The following ADAM29 variants were observed in gnomAD, a reference collection of about 807,000 sequenced individuals.
ADAM29 encodes the protein disintegrin and metalloproteinase domain-containing protein 29.
For synonymous variants in ADAM29, 367 were observed against 342.3 expected (o/e 1.07, Z -0.80); for missense variants, 969 against 1,001.8 (o/e 0.97, Z 0.44).
At chr4:174,931,868 G>T in intron 3 of ADAM29, among the ~76,000 whole-genome samples, 1 of 151,792 alleles carries the variant, frequency 6.6e-6, no homozygotes, top group African/African-American at 2.4e-5. Flanking sequence ...AGGGAGAGTG[G>T]GAGAGACTGT....
At chr4:174,919,200 CAAAGT>C (rs371035307) in intron 1 of ADAM29, among the ~76,000 whole-genome samples, 5 of 152,034 alleles carry the variant, frequency 3.3e-5, no homozygotes, top group African/African-American at 7.2e-5. Context: ...AATTTTTTCT[CAAAGT>C]AAAGTGTATC....
At chr4:174,945,847 C>T (rs549558805) in intron 4 of ADAM29, among the ~76,000 whole-genome samples, 1 of 152,176 alleles carries the variant, frequency 6.6e-6, no homozygotes, top group African/African-American at 2.4e-5. Flanking sequence ...TTTCTTTAAT[C>T]TATGTGTCTG....
chr4:174,935,454 A>C (rs1182564290), intron 3 of ADAM29, among the ~76,000 whole-genome samples: 1 of 152,130 alleles, frequency 6.6e-6, no homozygotes, highest in African/African-American at 2.4e-5. Context: ...CATCAAGTTA[A>C]AATGTTCTAT....
At chr4:174,951,361 C>G (rs923783859) in intron 4 of ADAM29, among the ~76,000 whole-genome samples, 5 of 152,172 alleles carry the variant, frequency 3.3e-5, no homozygotes, top group Non-Finnish European at 7.4e-5. Context: ...TTACTTCACA[C>G]TTCTTTCCAT....
chr4:174,976,561 A>G lies in ADAM29; in HGVS notation c.1036A>G (p.Thr346Ala). Residue 346 changes from threonine (T) to alanine (A), a missense_variant, in exon 5 of 5, where the codon ACA becomes GCA. Physicochemically the swap from Thr to Ala is moderately conservative, Grantham distance 58. Coordinates refer to ENST00000359240, the MANE Select transcript of ADAM29 (RefSeq NM_014269.4). ...HNLGMNHDEDTCRCSQPRCIM... is the reference protein window; with the variant it reads ...HNLGMNHDEDACRCSQPRCIM... ...TTTGGGCATGAACCATGATGAGGAT[A>G]CATGTCGTTGTTCACAACCTAGATG... 4 of 1,601,292 alleles carry G rather than the reference A, an allele frequency of 2.5e-6. No homozygotes were observed. Among genetic ancestry groups the G allele is most frequent in the Non-Finnish European group, 3.4e-6 (4 of 1,173,864 alleles).
intron 4 of ADAM29, among the ~76,000 whole-genome samples, chr4:174,957,096 A>G (rs1342749239): frequency 6.6e-6 from 1 of 151,960 alleles, no homozygotes; most frequent in Non-Finnish European, 1.5e-5. Flanking sequence ...TGCTTCATAT[A>G]TGACAGCTAA....
Position 174,976,664 on chromosome 4 carries a change from A to G in ADAM29, c.1139A>G (p.Glu380Gly), listed in dbSNP as rs773202528. 5 of 1,613,976 alleles carry G rather than the reference A, an allele frequency of 3.1e-6. No individual in the cohort carries two copies. In the Admixed American group the frequency reaches 8.3e-5, roughly 27 times the overall value. Residue 380 changes from glutamate (E) to glycine (G), a missense_variant, in exon 5 of 5, where the codon GAG (glutamate) becomes GGG (glycine). Transcript: ENST00000359240. ...SYGDFWEYTVERTKCLLETVH... is the reference protein window; with the variant it reads ...SYGDFWEYTVGRTKCLLETVH... Reference sequence around the variant, plus strand: ...GGTGATTTTTGGGAATATACTGTAGAGAGGACAAAGTGTTTGCTTGAAACA... The same window carrying G: ...GGTGATTTTTGGGAATATACTGTAGGGAGGACAAAGTGTTTGCTTGAAACA...
chr4:174,958,319 A>G (rs113147410), intron 4 of ADAM29, among the ~76,000 whole-genome samples: 2 of 151,840 alleles, frequency 1.3e-5, no homozygotes, highest in African/African-American at 4.8e-5. Flanking sequence ...TTTCCCTCAA[A>G]TATTTTGATA....
chr4:174,923,064 TTA>T (rs200229430), intron 2 of ADAM29, among the ~76,000 whole-genome samples: 2 of 138,236 alleles, frequency 1.4e-5, no homozygotes, highest in African/African-American at 6.5e-5. Flanking sequence ...TTAATTATTA[TTA>T]TTTTTTTGAG....
chr4:174,978,108 T>C lies in ADAM29; in HGVS notation c.*120T>C, dbSNP rs1747022752. 6.7e-7 allele frequency: 1 copy of C among 1,486,620 alleles called. No homozygotes were observed. The highest frequency in any genetic ancestry group is 9.1e-7 in the Non-Finnish European group (1 of 1,098,622). The allele number at this position is 1,486,620 out of a possible 1,614,324, so 92.1% of individuals were successfully genotyped here. On this transcript the variant is annotated 3_prime_UTR_variant, in exon 5 of 5. Coordinates refer to ENST00000359240, the MANE Select transcript of ADAM29 (RefSeq NM_014269.4). ...TGACACCTTACCGGAGTAAAAGTGGTAAACAAAAGCAATCAGTACCAATTC... is the reference window on the plus strand; with the variant it reads ...TGACACCTTACCGGAGTAAAAGTGGCAAACAAAAGCAATCAGTACCAATTC...
At chr4:174,923,575 A>G (rs1222021155) in intron 2 of ADAM29, among the ~76,000 whole-genome samples, 1 of 147,544 alleles carries the variant, frequency 6.8e-6, no homozygotes, top group South Asian at 2.1e-4. Flanking sequence ...ACACACATAT[A>G]TATCTTTAAA....
At chr4:174,934,251 A>G (rs1219190917) in intron 3 of ADAM29, among the ~76,000 whole-genome samples, 11 of 152,024 alleles carry the variant, frequency 7.2e-5, no homozygotes, top group Admixed American at 6.6e-5. Flanking sequence ...TGACAAGTCT[A>G]TTTTTAAGTA....
chr4:174,975,451 C>A lies in ADAM29; in HGVS notation c.-75C>A. ...GGAGCCACACCACCTGTGACTCCAG[C>A]CCTGACTTCTGCTCTGGACCAGTGT... On this transcript the variant is annotated 5_prime_UTR_variant, in exon 5 of 5. Transcript: ENST00000359240. 2 of 1,421,174 alleles carry A rather than the reference C, an allele frequency of 1.4e-6. No homozygotes were observed. The highest frequency in any genetic ancestry group is 1.9e-6 in the Non-Finnish European group (2 of 1,070,684). The allele number at this position is 1,421,174 out of a possible 1,614,324, so 88.0% of individuals were successfully genotyped here. A position where few individuals can be genotyped will look rare whatever the true frequency, so the allele number is the denominator to read the frequency against.
At chr4:174,940,288 T>C (rs888737942) in intron 4 of ADAM29, among the ~76,000 whole-genome samples, 2 of 152,152 alleles carry the variant, frequency 1.3e-5, no homozygotes, top group African/African-American at 4.8e-5. Flanking sequence ...TTAGACTTGG[T>C]ATCATTAACA....
At chr4:174,974,776 G>T (rs1369502647) in intron 4 of ADAM29, among the ~76,000 whole-genome samples, 1 of 152,134 alleles carries the variant, frequency 6.6e-6, no homozygotes, top group Non-Finnish European at 1.5e-5. Context: ...TGCTGACAAG[G>T]CTAGTGAGAA....
At chr4:174,935,770 G>A (rs1744167063) in intron 3 of ADAM29, among the ~76,000 whole-genome samples, 1 of 152,008 alleles carries the variant, frequency 6.6e-6, no homozygotes, top group African/African-American at 2.4e-5. Context: ...AAGGCTGTGT[G>A]TCTCTGTAAA....
chr4:174,976,360 C>A lies in ADAM29; in HGVS notation c.835C>A (p.Pro279Thr). The A allele has an allele frequency of 7.5e-6, 12 of 1,605,850 alleles. No individual in the cohort carries two copies. Among genetic ancestry groups the A allele is most frequent in the Non-Finnish European group, 1.0e-5 (12 of 1,176,862 alleles). The change falls in exon 5 of 5, where the codon CCC becomes ACC. Residue 279 changes from proline to threonine, a missense_variant. Physicochemically the swap from Pro to Thr is conservative, Grantham distance 38. Coordinates refer to ENST00000359240, the MANE Select transcript of ADAM29 (RefSeq NM_014269.4). Reference sequence around the variant, plus strand: ...CAAGTGGAAGTCGGAGAACATTACGCCCCGGATGCAACATGACACCTCACA... The same window carrying A: ...CAAGTGGAAGTCGGAGAACATTACGACCCGGATGCAACATGACACCTCACA... Reference protein sequence around the residue: ...YCKWKSENITPRMQHDTSHLF... With the variant: ...YCKWKSENITTRMQHDTSHLF...
intron 4 of ADAM29, among the ~76,000 whole-genome samples, chr4:174,962,227 A>G (rs1279418152): frequency 1.3e-5 from 2 of 152,136 alleles, no homozygotes; most frequent in African/African-American, 2.4e-5. Flanking sequence ...ATTTACAGTT[A>G]GAGGCCTGGT....
At chr4:174,927,512 A>G (rs1452959891) in intron 2 of ADAM29, among the ~76,000 whole-genome samples, 1 of 152,174 alleles carries the variant, frequency 6.6e-6, no homozygotes, top group East Asian at 1.9e-4. Flanking sequence ...AATTCTGTAC[A>G]TGTTTTGTTA....
Sources: gnomAD v4.1 joint callset for allele counts (sites outside exome capture counted in the v4.1 genomes callset) on GRCh38, gnomAD v4.1.1 for gene constraint, MANE v1.5 for transcripts, NCBI Gene and HGNC (gene_info 2026-07-23, HGNC 2026-07-21) for gene names.